Variants in LRRIQ1 observed in about 807,000 individuals in gnomAD.
The protein encoded by LRRIQ1 is leucine-rich repeat- and IQ domain-containing protein 1.
A neutral mutation model predicts 211.9 loss-of-function variants in LRRIQ1; 210 were observed. That is an observed-to-expected ratio of 0.99 (90% confidence interval 0.89 to 1.11). The LOEUF is 1.11. Ranked by LOEUF, LRRIQ1 falls within the 50% of genes most tolerant of loss-of-function variation. LRRIQ1 has a pLI of 0.00. For missense variants in LRRIQ1, 2,136 were observed against 1,939.5 expected (o/e 1.10, Z -1.90); for synonymous variants, 699 against 650.1 (o/e 1.08, Z -1.14).
chr12:85,194,950 G>C (rs1210515196), intron 24 of LRRIQ1, among the ~76,000 whole-genome samples: 1 of 151,956 alleles, frequency 6.6e-6, no homozygotes, highest in Non-Finnish European at 1.5e-5. Flanking sequence ...AAAAAACAGA[G>C]AGAAGAATCA....
At chr12:85,112,136 G>T (rs920337435) in intron 15 of LRRIQ1, among the ~76,000 whole-genome samples, 2 of 151,806 alleles carry the variant, frequency 1.3e-5, no homozygotes, top group Admixed American at 6.6e-5. Context: ...TTCCAGAGAT[G>T]GAAAGATTAA....
chr12:85,127,932 C>A lies in LRRIQ1; in HGVS notation c.4108C>A (p.Pro1370Thr). 1 of 1,613,586 alleles carries A rather than the reference C, an allele frequency of 6.2e-7. No individual in the cohort carries two copies. Among genetic ancestry groups the A allele is most frequent in the Non-Finnish European group, 8.5e-7 (1 of 1,179,738 alleles). The change falls in exon 18 of 27, where the codon CCA becomes ACA. Residue 1370 changes from proline to threonine, a missense_variant. By Grantham distance (38) the Pro-to-Thr change is conservative. Coordinates refer to ENST00000393217, the MANE Select transcript of LRRIQ1 (RefSeq NM_001079910.2). ...ACATACTGCTGCAACAGAAGGCCTG[C>A]CAAATTCTTCCATCAAGAATCAGAC... ...RLHTAATEGL[P>T]NSSIKNQTIL...
At chr12:85,240,874 A>G (rs762253734) in intron 26 of LRRIQ1, among the ~76,000 whole-genome samples, 3 of 152,084 alleles carry the variant, frequency 2.0e-5, no homozygotes, top group Non-Finnish European at 4.4e-5. Flanking sequence ...GGATGTGACT[A>G]TAAAGGAGAA....
intron 24 of LRRIQ1, among the ~76,000 whole-genome samples, chr12:85,190,869 C>A (rs1399316989): frequency 6.6e-6 from 1 of 151,850 alleles, no homozygotes; most frequent in Non-Finnish European, 1.5e-5. Flanking sequence ...TCACCTCTAG[C>A]CATATGAAAC....
At chr12:85,112,513 G>T (rs114016807) in intron 15 of LRRIQ1, among the ~76,000 whole-genome samples, 2 of 107,742 alleles carry the variant, frequency 1.9e-5, no homozygotes, top group East Asian at 3.9e-4. Context: ...TTTTGCTTCT[G>T]AAAGACAAAG....
intron 4 of LRRIQ1, 33 bp downstream of exon 4, chr12:85,044,842 C>A: frequency 1.0e-6 from 1 of 987,562 alleles, no homozygotes; most frequent in Non-Finnish European, 1.5e-6. Context: ...AAAATATTCA[C>A]TATTACAATT....
At chr12:85,217,239 T>A (rs1239644230) in intron 24 of LRRIQ1, among the ~76,000 whole-genome samples, 2 of 151,220 alleles carry the variant, frequency 1.3e-5, no homozygotes, top group Non-Finnish European at 3.0e-5. Context: ...TATAAGCATT[T>A]CTGTTATATA....
intron 24 of LRRIQ1, among the ~76,000 whole-genome samples, chr12:85,171,708 TG>T (rs1431580038): frequency 7.9e-5 from 12 of 152,132 alleles, no homozygotes; most frequent in African/African-American, 2.4e-4. Flanking sequence ...GTCAGAAGGT[TG>T]GGCCCATAAT....
chr12:85,215,601 C>T (rs897181812), intron 24 of LRRIQ1, among the ~76,000 whole-genome samples: 2 of 152,008 alleles, frequency 1.3e-5, no homozygotes, highest in Non-Finnish European at 1.5e-5. Flanking sequence ...CAAACATTAT[C>T]GGGTTTTCTG....
At position 85,056,539 on chromosome 12, in the gene LRRIQ1, G is replaced by T; in HGVS notation, c.1746G>T (p.Lys582Asn). ...QKIIKDNQQKKIQKVEKEEIQ... is the reference protein window; with the variant it reads ...QKIIKDNQQKNIQKVEKEEIQ... Reference sequence around the variant, plus strand: ...TAATCAAAGATAATCAGCAGAAAAAGATACAAAAAGTAGAAAAAGAAGAGA... The same window carrying T: ...TAATCAAAGATAATCAGCAGAAAAATATACAAAAAGTAGAAAAAGAAGAGA... Residue 582 changes from lysine (K) to asparagine (N), a missense_variant, in exon 8 of 27, where the codon AAG becomes AAT. Coordinates refer to ENST00000393217, the MANE Select transcript of LRRIQ1 (RefSeq NM_001079910.2). 6.2e-7 allele frequency: 1 copy of T among 1,608,828 alleles called. No individual in the cohort carries two copies. The highest frequency in any genetic ancestry group is 8.5e-7 in the Non-Finnish European group (1 of 1,177,860).
At chr12:85,130,924 G>C (rs907377856) in intron 18 of LRRIQ1, among the ~76,000 whole-genome samples, 1 of 151,794 alleles carries the variant, frequency 6.6e-6, no homozygotes, top group Non-Finnish European at 1.5e-5. Context: ...GAATGTGAAT[G>C]ATAGGCCGGG....
Position 85,177,038 on chromosome 12 carries a change from A to T in LRRIQ1, c.4822+16324A>T, listed in dbSNP as rs557681772. Among the ~76,000 whole-genome samples the T allele has an allele frequency of 5.3e-5, 8 of 152,264 alleles. No homozygotes were observed. The East Asian group carries it at 5.8e-4, about 11-fold the overall frequency. On this transcript the variant is annotated intron_variant, in intron 24 of 26. Transcript: ENST00000393217. ...CCTACGTGATTTTGGTTAAGTTACTAAACCTTCCTGTACTTGATTTTCCTC... is the reference window on the plus strand; with the variant it reads ...CCTACGTGATTTTGGTTAAGTTACTTAACCTTCCTGTACTTGATTTTCCTC...
chr12:85,085,747 T>C (rs1393082053), intron 11 of LRRIQ1, among the ~76,000 whole-genome samples: 2 of 152,230 alleles, frequency 1.3e-5, no homozygotes, highest in Non-Finnish European at 2.9e-5. Flanking sequence ...GCTGCATCCA[T>C]ATTACTGCAG....
intron 24 of LRRIQ1, among the ~76,000 whole-genome samples, chr12:85,227,246 G>A (rs1457216023): frequency 6.6e-6 from 1 of 152,152 alleles, no homozygotes; most frequent in Non-Finnish European, 1.5e-5. Flanking sequence ...ACTGGTGTGA[G>A]ATGGTATCTC....
chr12:85,224,983 A>G (rs1370737785), intron 24 of LRRIQ1, among the ~76,000 whole-genome samples: 1 of 152,096 alleles, frequency 6.6e-6, no homozygotes, highest in Non-Finnish European at 1.5e-5. Context: ...CATATAATAC[A>G]TTTATTATAA....
intron 15 of LRRIQ1, among the ~76,000 whole-genome samples, chr12:85,118,607 CAG>C (rs1167981861): frequency 4.0e-5 from 6 of 149,950 alleles, no homozygotes; most frequent in African/African-American, 1.5e-4. Context: ...TAACTATACA[CAG>C]AGATACATTA....
chr12:85,219,227 G>A (rs1312891787), intron 24 of LRRIQ1, among the ~76,000 whole-genome samples: 1 of 152,046 alleles, frequency 6.6e-6, no homozygotes, highest in Non-Finnish European at 1.5e-5. Context: ...TATTAGTGAG[G>A]AAATACAGCC....
At chr12:85,076,573 G>A in intron 11 of LRRIQ1, 1 of 764,340 alleles carries the variant, frequency 1.3e-6, no homozygotes, top group Non-Finnish European at 1.6e-6. Flanking sequence ...ACTGCTTTCT[G>A]GAAAATTGCC....
chr12:85,106,132 A>G (rs1461337919), intron 14 of LRRIQ1, among the ~76,000 whole-genome samples: 2 of 152,060 alleles, frequency 1.3e-5, no homozygotes, highest in African/African-American at 4.8e-5. Flanking sequence ...GGTCCATGCA[A>G]TCTATTTTGT....
Sources: allele counts gnomAD v4.1 joint callset (sites outside exome capture counted in the v4.1 genomes callset), GRCh38; gene constraint gnomAD v4.1.1; transcripts MANE v1.5; gene names NCBI Gene and HGNC (gene_info 2026-07-23, HGNC 2026-07-21).